ZDHHC20: variants seen among roughly 807,000 people sequenced by gnomAD.
ZDHHC20 encodes the protein palmitoyltransferase ZDHHC20.
In ZDHHC20, 43 loss-of-function variants were observed where a neutral mutation model predicts 57.8. That is an observed-to-expected ratio of 0.74 (90% CI 0.58 to 0.96). The LOEUF is 0.96. ZDHHC20 is among the 40% of genes least tolerant of loss of function. ZDHHC20 has a pLI of 0.00. For synonymous variants in ZDHHC20, 157 were observed against 153.0 expected, an observed-to-expected ratio of 1.03 and a Z score of -0.19; for missense variants, 391 against 441.1, an observed-to-expected ratio of 0.89 and a Z score of 1.02.
chr13:21,412,697 G>A lies in ZDHHC20; in HGVS notation c.370+955C>T, dbSNP rs528750603. ...TGAAATAAAATAATAGGCCAGACAC[G>A]GTGGCTCACACTTGTAATCCCAGCA... On this transcript the variant is annotated intron_variant, in intron 4 of 12. Coordinates refer to ENST00000400590, the MANE Select transcript of ZDHHC20 (RefSeq NM_001330059.2). 2.6e-5 allele frequency among the ~76,000 whole-genome samples: 4 copies of A among 151,796 alleles called. No homozygotes were observed. In the South Asian group the frequency reaches 6.3e-4, roughly 24 times the overall value.
In ZDHHC20 at chr13:21,412,731, G is replaced by T. The variant is rs952588957; in HGVS notation, c.370+921C>A. 5.3e-4 allele frequency among the ~76,000 whole-genome samples: 81 copies of T among 151,920 alleles called. 6 individuals carry two copies. The highest frequency in any genetic ancestry group is 2.9e-5 in the Non-Finnish European group (2 of 67,974). On this transcript the variant is annotated intron_variant, in intron 4 of 12. Transcript: ENST00000400590. ...CACTTGTAATCCCAGCACTTTGGGAGGCCAAAGTGGGCAGATCACTTGAGG... is the reference window on the plus strand; with the variant it reads ...CACTTGTAATCCCAGCACTTTGGGATGCCAAAGTGGGCAGATCACTTGAGG...
At chr13:21,413,866 A>G in intron 3 of ZDHHC20, 94 bp from the exon 4 acceptor site, 3 of 1,080,238 alleles carry the variant, frequency 2.8e-6, no homozygotes, top group Non-Finnish European at 3.9e-6. Context: ...AGAAAACCAA[A>G]AACTATTTTA....
At position 21,431,281 on chromosome 13, in the gene ZDHHC20, C is replaced by CA. The variant is rs1405050918; in HGVS notation, c.119-5604dup. The stretch of plus-strand genomic sequence containing the variant: ...GTGGAGGCAAGAGAAAATGAGGATG[C>CA]AAAAGCAGAAACCCCTGATAAAACC... On this transcript the variant is annotated intron_variant, in intron 1 of 12. Transcript: ENST00000400590. Among the ~76,000 whole-genome samples the CA allele has an allele frequency of 1.3e-4, 20 of 152,210 alleles. No homozygotes were observed. In the East Asian group the frequency reaches 3.9e-3, roughly 30 times the overall value.
intron 8 of ZDHHC20, among the ~76,000 whole-genome samples, chr13:21,391,029 G>A (rs1875611242): frequency 6.6e-6 from 1 of 151,648 alleles, no homozygotes; most frequent in South Asian, 2.1e-4. Flanking sequence ...TAAATCTACT[G>A]TCTATCCCTT....
chr13:21,457,388 AAG>A (rs1407105293), intron 1 of ZDHHC20, among the ~76,000 whole-genome samples: 3 of 152,208 alleles, frequency 2.0e-5, no homozygotes, highest in Admixed American at 1.3e-4. Context: ...AGTAAATAAG[AAG>A]ATAAAGGAGG....
At position 21,406,598 on chromosome 13, in the gene ZDHHC20, T is replaced by C. The variant is rs972273689; in HGVS notation, c.371-3732A>G. Among the ~76,000 whole-genome samples, 3 of 149,252 alleles carry C rather than the reference T, an allele frequency of 2.0e-5. No individual in the cohort carries two copies. The East Asian group carries it at 6.3e-4, about 31-fold the overall frequency. On this transcript the variant is annotated intron_variant, in intron 4 of 12. Coordinates refer to ENST00000400590, the MANE Select transcript of ZDHHC20 (RefSeq NM_001330059.2). ...CCCTCCCTGTGTCCATATGATCTCA[T>C]TGTTCAACTCCCACTTATAAGTGAG...
At chr13:21,437,976 C>G (rs1882730149) in intron 1 of ZDHHC20, among the ~76,000 whole-genome samples, 1 of 152,218 alleles carries the variant, frequency 6.6e-6, no homozygotes, top group Admixed American at 6.5e-5. Context: ...CAGGCGTGAG[C>G]CACCGCACCC....
intron 1 of ZDHHC20, among the ~76,000 whole-genome samples, chr13:21,445,019 TG>T (rs1428976057): frequency 3.9e-5 from 6 of 152,038 alleles, no homozygotes; most frequent in African/African-American, 1.5e-4. Context: ...TCATGCCAAA[TG>T]CACTCCAGCC....
At chr13:21,446,410 T>C (rs772056818) in intron 1 of ZDHHC20, among the ~76,000 whole-genome samples, 10 of 152,208 alleles carry the variant, frequency 6.6e-5, no homozygotes, top group Admixed American at 2.6e-4. Context: ...TTTAAAAGCT[T>C]CCCAGAAGAC....
Position 21,459,279 on chromosome 13 carries a change from C to T in ZDHHC20, c.-108G>A. On this transcript the variant is annotated 5_prime_UTR_variant, in exon 1 of 13. Coordinates refer to ENST00000400590, the MANE Select transcript of ZDHHC20 (RefSeq NM_001330059.2). The stretch of plus-strand genomic sequence containing the variant: ...GGCGGCTGCTGGTCCAGCTCCCCCG[C>T]CTCCGAGGCAGGACTTGTGGGAGCA... The T allele has an allele frequency of 1.3e-6, 1 of 795,534 alleles. No individual in the cohort carries two copies. Among genetic ancestry groups the T allele is most frequent in the Admixed American group, 3.3e-5 (1 of 30,280 alleles). 49.3% of individuals were successfully genotyped at this position (795,534 alleles called of 1,614,324 possible). A position where few individuals can be genotyped will look rare whatever the true frequency, so the allele number is the denominator to read the frequency against.
At chr13:21,389,944 G>A (rs934672986) in intron 8 of ZDHHC20, among the ~76,000 whole-genome samples, 3 of 152,114 alleles carry the variant, frequency 2.0e-5, no homozygotes, top group Non-Finnish European at 4.4e-5. Flanking sequence ...TAAAGAGATG[G>A]CATAATATTC....
chr13:21,402,583 T>C (rs1435296242), intron 5 of ZDHHC20, among the ~76,000 whole-genome samples: 1 of 152,210 alleles, frequency 6.6e-6, no homozygotes, highest in Non-Finnish European at 1.5e-5. Context: ...GAAAATTCTA[T>C]TAACTGGTAT....
intron 12 of ZDHHC20, 86 bp downstream of exon 12, chr13:21,378,575 A>C: frequency 1.3e-6 from 1 of 794,490 alleles, no homozygotes; most frequent in Non-Finnish European, 1.7e-6. Context: ...AAAAAGACTA[A>C]AAAAATACAA....
At chr13:21,395,356 G>A (rs192254041) in intron 7 of ZDHHC20, among the ~76,000 whole-genome samples, 14 of 151,538 alleles carry the variant, frequency 9.2e-5, no homozygotes, top group Middle Eastern at 3.4e-3. Context: ...GTAAGCCACC[G>A]CGCCCGGCCT....
chr13:21,403,094 A>T (rs1288389653), intron 4 of ZDHHC20, among the ~76,000 whole-genome samples: 1 of 152,212 alleles, frequency 6.6e-6, no homozygotes, highest in Non-Finnish European at 1.5e-5. Flanking sequence ...TTTTAGATGA[A>T]AAGTAGATGC....
intron 1 of ZDHHC20, among the ~76,000 whole-genome samples, chr13:21,438,540 G>A (rs983050353): frequency 1.3e-5 from 2 of 152,214 alleles, no homozygotes; most frequent in Admixed American, 6.5e-5. Flanking sequence ...TTGAACAGAC[G>A]AGGAGTTGCT....
At chr13:21,450,490 A>G (rs1328521235) in intron 1 of ZDHHC20, among the ~76,000 whole-genome samples, 1 of 152,172 alleles carries the variant, frequency 6.6e-6, no homozygotes, top group Non-Finnish European at 1.5e-5. Flanking sequence ...GTTTTTAAAT[A>G]TATATATTTA....
chr13:21,455,473 A>G (rs1016676401), intron 1 of ZDHHC20, among the ~76,000 whole-genome samples: 26 of 151,742 alleles, frequency 1.7e-4, no homozygotes, highest in African/African-American at 5.1e-4. Flanking sequence ...AACCCTGGGG[A>G]AAAAAAATCA....
intron 6 of ZDHHC20, among the ~76,000 whole-genome samples, chr13:21,401,104 C>T (rs1211125961): frequency 1.3e-5 from 2 of 151,752 alleles, no homozygotes; most frequent in Middle Eastern, 3.4e-3. Flanking sequence ...ATGGAGAGAC[C>T]CCATCTCTAT....
Sources: allele counts gnomAD v4.1 joint callset (sites outside exome capture counted in the v4.1 genomes callset), GRCh38; gene constraint gnomAD v4.1.1; transcripts MANE v1.5; gene names NCBI Gene and HGNC (gene_info 2026-07-23, HGNC 2026-07-21).